FAM169A: variants seen among roughly 807,000 people sequenced by gnomAD.
FAM169A encodes family with sequence similarity 169 member A, also known as soluble lamin-associated protein of 75 kDa.
Under a neutral mutation model 75.7 loss-of-function variants are expected in FAM169A, and 24 were observed. That is an observed-to-expected ratio of 0.32 (90% CI 0.23 to 0.45). FAM169A has a LOEUF of 0.45. FAM169A is among the 20% of genes least tolerant of loss of function. The pLI, the probability that FAM169A is intolerant of heterozygous loss-of-function variation, is 1.00. For missense variants in FAM169A, 673 were observed against 784.0 expected, an observed-to-expected ratio of 0.86 and a Z score of 1.69; for synonymous variants, 271 against 271.0, an observed-to-expected ratio of 1.00 and a Z score of 0.00.
chr5:74,786,677 C>T (rs1561286879), intron 11 of FAM169A, among the ~76,000 whole-genome samples: 1 of 152,192 alleles, frequency 6.6e-6, no homozygotes, highest in Non-Finnish European at 1.5e-5. Context: ...TAACTCCTGG[C>T]TTCAAAAGCA....
At chr5:74,837,817 T>C (rs974651148) in intron 4 of FAM169A, among the ~76,000 whole-genome samples, 2 of 152,068 alleles carry the variant, frequency 1.3e-5, no homozygotes, top group Non-Finnish European at 2.9e-5. Flanking sequence ...TATATTTCTG[T>C]TAAATTCATT....
chr5:74,786,628 GGACAAAGTGATGAAA>G (rs1745708510), intron 11 of FAM169A, among the ~76,000 whole-genome samples: 3 of 152,142 alleles, frequency 2.0e-5, no homozygotes, highest in South Asian at 2.1e-4. Flanking sequence ...TAAGTTCACT[GGACAAAGTGATGAAA>G]GACAATGATG....
chr5:74,830,422 T>C (rs546354106), intron 5 of FAM169A, among the ~76,000 whole-genome samples: 2 of 152,270 alleles, frequency 1.3e-5, no homozygotes, highest in African/African-American at 4.8e-5. Flanking sequence ...CTGTTAACTA[T>C]GGATCCTGTG....
In FAM169A at chr5:74,778,224, G is replaced by A. The variant is rs1043518791; in HGVS notation, c.*3236C>T. ...GTAACTAATCACACCCATGAAAGACGACTAGATGACACCTGAAACATTTTT... is the reference window on the plus strand; with the variant it reads ...GTAACTAATCACACCCATGAAAGACAACTAGATGACACCTGAAACATTTTT... On this transcript the variant is annotated 3_prime_UTR_variant, in exon 13 of 13. Transcript: ENST00000687041. 1.3e-5 allele frequency: 2 copies of A among 151,828 alleles called. No individual in the cohort carries two copies. Among genetic ancestry groups the A allele is most frequent in the African/African-American group, 4.8e-5 (2 of 41,374 alleles). The allele number at this position is 151,828 out of a possible 1,614,324, so 9.4% of individuals were successfully genotyped here.
chr5:74,796,761 A>C (rs969026073), intron 10 of FAM169A, among the ~76,000 whole-genome samples: 1 of 150,824 alleles, frequency 6.6e-6, no homozygotes, highest in Non-Finnish European at 1.5e-5. Context: ...ATCTTATTCT[A>C]TTAGAATGAG....
At chr5:74,835,117 T>C (rs1748504204) in intron 4 of FAM169A, among the ~76,000 whole-genome samples, 1 of 152,174 alleles carries the variant, frequency 6.6e-6, no homozygotes, top group Non-Finnish European at 1.5e-5. Flanking sequence ...TCTCATCTTT[T>C]CCTGGTAAAA....
chr5:74,798,009 C>A (rs1746367416), intron 10 of FAM169A, among the ~76,000 whole-genome samples: 1 of 152,210 alleles, frequency 6.6e-6, no homozygotes, highest in Non-Finnish European at 1.5e-5. Context: ...GGCCTACAGG[C>A]CATAGTTGGT....
intron 1 of FAM169A, among the ~76,000 whole-genome samples, chr5:74,854,135 T>A (rs569875130): frequency 1.5e-3 from 233 of 152,246 alleles, no homozygotes; most frequent in African/African-American, 5.4e-3. Flanking sequence ...GGCTCACACC[T>A]GTAATCCCAG....
intron 1 of FAM169A, among the ~76,000 whole-genome samples, chr5:74,849,660 TTC>T: frequency 6.6e-6 from 1 of 152,162 alleles, no homozygotes; most frequent in Middle Eastern, 3.4e-3. Flanking sequence ...TCCCTCCCTT[TTC>T]TGTTTTCTAA....
chr5:74,827,883 C>T (rs1173872799), intron 5 of FAM169A, among the ~76,000 whole-genome samples: 1 of 151,926 alleles, frequency 6.6e-6, no homozygotes, highest in African/African-American at 2.4e-5. Context: ...CTAGGCTCAT[C>T]TTGAACTCCT....
At position 74,781,630 on chromosome 5, in the gene FAM169A, A is replaced by G. The variant is rs574608618; in HGVS notation, c.1843T>C (p.Ser615Pro). The G allele has an allele frequency of 1.2e-6, 2 of 1,614,098 alleles. No homozygotes were observed. The highest frequency in any genetic ancestry group is 3.3e-5 in the Admixed American group (2 of 60,010). The change falls in exon 13 of 13, where the codon TCT becomes CCT. Residue 615 changes from serine (S) to proline (P), a missense_variant. Around this residue, in one of 3 missense-constraint regions of FAM169A, gnomAD observed 510 missense variants for 550.9 expected, o/e 0.93. Transcript: ENST00000687041. ...TCCAGTTGCTCGGAAGATGCTTCAGACTGCTCCTCTGACTGATTCTTCTGT... is the reference window on the plus strand; with the variant it reads ...TCCAGTTGCTCGGAAGATGCTTCAGGCTGCTCCTCTGACTGATTCTTCTGT... The part of the protein sequence containing the change: ...AGQKNQSEEQ[S>P]EASSEQLDQF...
chr5:74,838,791 T>G (rs976274291), intron 4 of FAM169A, among the ~76,000 whole-genome samples, 174 bp downstream of exon 4: 2 of 152,212 alleles, frequency 1.3e-5, no homozygotes, highest in Non-Finnish European at 1.5e-5. Context: ...TAGAATCACA[T>G]AAAAATGGAG....
intron 2 of FAM169A, among the ~76,000 whole-genome samples, chr5:74,841,132 T>C (rs1748841189): frequency 6.6e-6 from 1 of 152,206 alleles, no homozygotes; most frequent in African/African-American, 2.4e-5. Flanking sequence ...TATTATAATT[T>C]ACTGACTAGA....
intron 1 of FAM169A, among the ~76,000 whole-genome samples, chr5:74,843,507 G>C (rs1421714740): frequency 1.3e-5 from 2 of 152,096 alleles, no homozygotes; most frequent in Admixed American, 1.3e-4. Flanking sequence ...ACAAGATATA[G>C]AAATACACAT....
intron 5 of FAM169A, among the ~76,000 whole-genome samples, chr5:74,818,934 C>T (rs766785667): frequency 3.3e-5 from 5 of 151,864 alleles, no homozygotes; most frequent in Non-Finnish European, 1.5e-5. Context: ...AAATGACAAA[C>T]GATGGCTAGG....
intron 11 of FAM169A, among the ~76,000 whole-genome samples, chr5:74,791,612 T>C (rs1331086497): frequency 2.0e-5 from 3 of 152,148 alleles, no homozygotes; most frequent in Non-Finnish European, 4.4e-5. Context: ...TACTCCACAA[T>C]GGAGGTAAGG....
At chr5:74,824,188 T>C (rs1747901895) in intron 5 of FAM169A, among the ~76,000 whole-genome samples, 1 of 152,220 alleles carries the variant, frequency 6.6e-6, no homozygotes, top group African/African-American at 2.4e-5. Context: ...AGTTGTTGAC[T>C]AGATTGTTCT....
In FAM169A at chr5:74,778,537, A is replaced by G. The variant is rs921315321; in HGVS notation, c.*2923T>C. Reference sequence around the variant, plus strand: ...ACCATCTACACTGAATGGAAATACCATGAATATAGACACATTTTAAGTAGA... The same window carrying G: ...ACCATCTACACTGAATGGAAATACCGTGAATATAGACACATTTTAAGTAGA... On this transcript the variant is annotated 3_prime_UTR_variant, in exon 13 of 13. Transcript: ENST00000687041. 2.6e-5 allele frequency: 4 copies of G among 152,052 alleles called. No individual in the cohort carries two copies. Among genetic ancestry groups the G allele is most frequent in the African/African-American group, 9.6e-5 (4 of 41,454 alleles). 9.4% of individuals were successfully genotyped at this position (152,052 alleles called of 1,614,324 possible). A position where few individuals can be genotyped will look rare whatever the true frequency, so the allele number is the denominator to read the frequency against.
chr5:74,818,394 T>C (rs899495508), intron 5 of FAM169A, among the ~76,000 whole-genome samples: 1 of 152,176 alleles, frequency 6.6e-6, no homozygotes, highest in East Asian at 1.9e-4. Context: ...TGCCAATTAG[T>C]ACAGGGATTC....
Sources: allele counts gnomAD v4.1 joint callset (sites outside exome capture counted in the v4.1 genomes callset), GRCh38; gene constraint gnomAD v4.1.1; regional missense constraint gnomAD v4.1.1; transcripts MANE v1.5; gene names NCBI Gene and HGNC (gene_info 2026-07-23, HGNC 2026-07-21).